ASNS: variants seen among roughly 807,000 people sequenced by gnomAD.
The protein encoded by ASNS is asparagine synthetase (glutamine-hydrolyzing), also known as asparagine synthetase [glutamine-hydrolyzing].
In ASNS, 37 loss-of-function variants were observed where a neutral mutation model predicts 62.6. The observed-to-expected ratio is 0.59, with a 90% CI of 0.45 to 0.78. The LOEUF (loss-of-function observed/expected upper bound fraction) is 0.78. ASNS is among the 30% of genes least tolerant of loss of function. The probability of loss-of-function intolerance (pLI) is 0.00; values close to 1 mark genes in which losing one functional copy is unlikely to be tolerated. For missense variants in ASNS, 520 were observed against 682.4 expected, an observed-to-expected ratio of 0.76 and a Z score of 2.65; for synonymous variants, 207 against 237.9, an observed-to-expected ratio of 0.87 and a Z score of 1.19.
chr7:97,865,128 G>A (rs1420723407), intron 3 of ASNS, among the ~76,000 whole-genome samples: 3 of 152,144 alleles, frequency 2.0e-5, no homozygotes, highest in Admixed American at 6.5e-5. Flanking sequence ...CATCATTCCT[G>A]ACTCTGAATT....
the ASNS span, among the ~76,000 whole-genome samples, chr7:97,891,090 A>G: frequency 1.3e-5 from 2 of 152,360 alleles, no homozygotes; most frequent in East Asian, 3.9e-4. Flanking sequence ...TACAAAAGAA[A>G]GAGGTTTAAT....
chr7:97,857,686 G>A (rs79065299), intron 7 of ASNS, among the ~76,000 whole-genome samples: 5,620 of 148,350 alleles, frequency 0.038, 346 homozygotes, highest in African/African-American at 0.13. Flanking sequence ...GTCTTGCTAC[G>A]TTGCCCAGCC....
At chr7:97,911,334 C>T in the ASNS span, among the ~76,000 whole-genome samples, 4 of 152,050 alleles carry the variant, frequency 2.6e-5, no homozygotes, top group Non-Finnish European at 5.9e-5. Flanking sequence ...GTTTTCATAA[C>T]AATAATAATA....
chr7:97,882,221 AC>A, the ASNS span, among the ~76,000 whole-genome samples: 43 of 152,220 alleles, frequency 2.8e-4, 1 homozygote, highest in East Asian at 6.4e-3. Context: ...ACAGTGGGAC[AC>A]CCCGGAGTTA....
intron 3 of ASNS, among the ~76,000 whole-genome samples, chr7:97,867,688 TCTTG>T (rs1792042643): frequency 6.6e-6 from 1 of 152,204 alleles, no homozygotes; most frequent in Non-Finnish European, 1.5e-5. Context: ...GAAATTCCAT[TCTTG>T]CCTTTCCTTT....
the ASNS span, among the ~76,000 whole-genome samples, chr7:97,878,118 G>T: frequency 2.0e-5 from 3 of 152,198 alleles, no homozygotes; most frequent in Non-Finnish European, 4.4e-5. Context: ...GGGTGGAGTG[G>T]CTCACACCTG....
At chr7:97,912,621 C>T in the ASNS span, among the ~76,000 whole-genome samples, 3 of 121,618 alleles carry the variant, frequency 2.5e-5, no homozygotes, top group African/African-American at 9.7e-5. Context: ...CTCGCTCTGT[C>T]GCCCAGGCTG....
At chr7:97,906,423 T>G in the ASNS span, 4 of 255,808 alleles carry the variant, frequency 1.6e-5, no homozygotes, top group Non-Finnish European at 3.0e-5. Flanking sequence ...CCCCAGTGCA[T>G]CCAGTTGATG....
At chr7:97,880,818 G>A in the ASNS span, among the ~76,000 whole-genome samples, 1 of 152,178 alleles carries the variant, frequency 6.6e-6, no homozygotes, top group Non-Finnish European at 1.5e-5. Flanking sequence ...GAATCACCTG[G>A]GGAGATTTTA....
intron 4 of ASNS, among the ~76,000 whole-genome samples, chr7:97,860,284 A>G (rs1435094853): frequency 6.6e-6 from 1 of 152,254 alleles, no homozygotes; most frequent in Non-Finnish European, 1.5e-5. Flanking sequence ...CACTGAGAAA[A>G]GAAAATTGTT....
the ASNS span, among the ~76,000 whole-genome samples, chr7:97,882,770 T>C: frequency 6.6e-6 from 1 of 152,102 alleles, no homozygotes; most frequent in Admixed American, 6.5e-5. Flanking sequence ...TAAGGTTGTG[T>C]CACTCAAAGG....
the ASNS span, among the ~76,000 whole-genome samples, chr7:97,903,505 G>A: frequency 7.9e-5 from 12 of 152,152 alleles, no homozygotes; most frequent in South Asian, 1.2e-3. Flanking sequence ...ATAAAAGCAC[G>A]GTTCCCCGAA....
the ASNS span, among the ~76,000 whole-genome samples, chr7:97,925,517 A>G: frequency 6.6e-6 from 1 of 152,148 alleles, no homozygotes; most frequent in African/African-American, 2.4e-5. Flanking sequence ...GATGCTGCTA[A>G]CCATCCTACA....
chr7:97,852,922 T>TATGTATCATTCAAACTAAATAC (rs1432021439), intron 12 of ASNS, 138 bp downstream of exon 12: 7 of 739,688 alleles, frequency 9.5e-6, no homozygotes, highest in Middle Eastern at 3.9e-4. Context: ...ATATCTGATG[T>TATGTATCATTCAAACTAAATAC]ATGTATCATT....
the ASNS span, among the ~76,000 whole-genome samples, chr7:97,896,172 C>A: frequency 6.6e-6 from 1 of 152,024 alleles, no homozygotes. Context: ...TAATTATATT[C>A]TTCACAGAAA....
rs200364733 is a variant in ASNS, at chr7:97,853,218, G to A, written c.1321-3C>T. ...AGGAGATGTTTTTCTATCCCATTCT[G>A]ACGTGACAAAAAAAGGAGCATCAGG... On this transcript the variant is annotated splice_region_variant and splice_polypyrimidine_tract_variant and intron_variant, in intron 11 of 12. Coordinates refer to ENST00000394308, the MANE Select transcript of ASNS (RefSeq NM_001673.5). 1.6e-5 allele frequency: 26 copies of A among 1,606,526 alleles called. No homozygotes were observed. The East Asian group carries it at 5.6e-4, about 35-fold the overall frequency.
chr7:97,896,739 C>CATATATAT, the ASNS span, among the ~76,000 whole-genome samples: 74 of 31,970 alleles, frequency 2.3e-3, no homozygotes, highest in East Asian at 8.9e-3. Context: ...CACACACACA[C>CATATATAT]ACATATATAT....
chr7:97,910,402 G>C, the ASNS span, among the ~76,000 whole-genome samples: 2 of 152,110 alleles, frequency 1.3e-5, no homozygotes, highest in Non-Finnish European at 2.9e-5. Flanking sequence ...GACACTCCAC[G>C]TGCACTATTT....
the ASNS span, among the ~76,000 whole-genome samples, chr7:97,878,055 T>C: frequency 6.6e-6 from 1 of 152,180 alleles, no homozygotes; most frequent in Non-Finnish European, 1.5e-5. Flanking sequence ...CGCCAGGTGA[T>C]GGCGTAGGAT....
Sources: gnomAD v4.1 joint callset for allele counts (sites outside exome capture counted in the v4.1 genomes callset) on GRCh38, gnomAD v4.1.1 for gene constraint, MANE v1.5 for transcripts, NCBI Gene and HGNC (gene_info 2026-07-23, HGNC 2026-07-21) for gene names.